TTC8: variants seen among roughly 807,000 people sequenced by gnomAD.
TTC8 encodes the protein tetratricopeptide repeat protein 8.
In TTC8, 47 loss-of-function variants were observed where a neutral mutation model predicts 72.5. The ratio of observed to expected loss-of-function variants is 0.65; its 90% CI spans 0.51 to 0.83. The LOEUF (loss-of-function observed/expected upper bound fraction) is 0.83. Among genes scored for constraint, TTC8 ranks in the 40% least tolerant of loss-of-function variants. The probability of loss-of-function intolerance (pLI) is 0.00; values close to 1 mark genes in which losing one functional copy is unlikely to be tolerated. For missense variants in TTC8, 611 were observed against 623.2 expected, an observed-to-expected ratio of 0.98 and a Z score of 0.21; for synonymous variants, 199 against 221.4, an observed-to-expected ratio of 0.90 and a Z score of 0.90.
upstream of TTC8, chr14:88,824,569 C>G: frequency 3.1e-6 from 2 of 648,894 alleles, no homozygotes. Flanking sequence ...TTTTCCTGTT[C>G]TCAGGCGCGC....
chr14:88,849,662 C>T (rs564782323), intron 7 of TTC8, among the ~76,000 whole-genome samples: 10 of 152,164 alleles, frequency 6.6e-5, no homozygotes, highest in African/African-American at 2.4e-4. Flanking sequence ...GCAGTATCAA[C>T]GAAACTCAGG....
At chr14:88,873,406 C>A (rs1017488846) in intron 13 of TTC8, among the ~76,000 whole-genome samples, 2 of 152,182 alleles carry the variant, frequency 1.3e-5, no homozygotes, top group African/African-American at 4.8e-5. Flanking sequence ...GGTGTTATCA[C>A]ATCTCTTACT....
At chr14:88,861,467 A>G (rs1957235) in intron 10 of TTC8, 135 bp downstream of exon 10, 19,871 of 632,492 alleles carry the variant, frequency 0.031, 1,214 homozygotes, top group African/African-American at 0.13. Flanking sequence ...CTATCACCTC[A>G]AACATTTATC....
chr14:88,868,441 T>C (rs560354235), intron 10 of TTC8, among the ~76,000 whole-genome samples: 1 of 152,322 alleles, frequency 6.6e-6, no homozygotes, highest in East Asian at 1.9e-4. Flanking sequence ...AATGGAAACA[T>C]GGGAAGCTAA....
chr14:88,877,336 G>A lies in TTC8; in HGVS notation c.1474G>A (p.Glu492Lys). The A allele has an allele frequency of 6.2e-7, 1 of 1,613,746 alleles. No homozygotes were observed. The highest frequency in any genetic ancestry group is 2.2e-5 in the East Asian group (1 of 44,800). The change falls in exon 15 of 15, where the codon GAA becomes AAA. Residue 492 changes from glutamate (E) to lysine (K), a missense_variant. By Grantham distance (56) the Glu-to-Lys change is moderately conservative (BLOSUM62 1). Coordinates refer to ENST00000380656, the MANE Select transcript of TTC8 (RefSeq NM_144596.4). ...AAGCTATGTTGCTGCGCAGAAGTCT[G>A]AAGCAGCATTTCCAGACCATGTGGA... ...QRSYVAAQKS[E>K]AAFPDHVDTQ...
downstream of TTC8, chr14:88,878,030 C>T (rs911211930): frequency 6.6e-6 from 1 of 152,108 alleles, no homozygotes; most frequent in Non-Finnish European, 1.5e-5. Context: ...TTAGTCATCT[C>T]AGGTGAAACA....
intron 9 of TTC8, among the ~76,000 whole-genome samples, chr14:88,860,296 C>T (rs548320720): frequency 1.6e-4 from 24 of 151,628 alleles, no homozygotes; most frequent in African/African-American, 4.4e-4. Flanking sequence ...AAAGTGGATC[C>T]GAAAATCATG....
downstream of TTC8, chr14:88,878,107 A>G (rs1447654849): frequency 2.0e-5 from 3 of 152,164 alleles, no homozygotes; most frequent in African/African-American, 4.8e-5. Context: ...ATGATATACC[A>G]CCAATTCTGT....
intron 10 of TTC8, among the ~76,000 whole-genome samples, chr14:88,869,744 C>T (rs1258980776): frequency 6.6e-6 from 1 of 152,150 alleles, no homozygotes; most frequent in Non-Finnish European, 1.5e-5. Context: ...GCACCTCCTC[C>T]AAAGTGGCCC....
rs566344345 is a variant in TTC8 at position 88,857,339 on chromosome 14, A to G, written c.798+62A>G. 69 of 1,375,914 alleles carry G rather than the reference A, an allele frequency of 5.0e-5. No homozygotes were observed. The South Asian group carries it at 6.4e-4, about 13-fold the overall frequency. The allele number at this position is 1,375,914 out of a possible 1,614,324, so 85.2% of individuals were successfully genotyped here. A position where few individuals can be genotyped will look rare whatever the true frequency, so the allele number is the denominator to read the frequency against. ...CAGAATAAATGTTTAAATTCTGGCCATTGCATGGGGAGAGTAAACAGCTTC... is the reference window on the plus strand; with the variant it reads ...CAGAATAAATGTTTAAATTCTGGCCGTTGCATGGGGAGAGTAAACAGCTTC... On this transcript the variant is annotated intron_variant, in intron 9 of 14. Transcript: ENST00000380656.
At chr14:88,862,564 A>C (rs1466360412) in intron 10 of TTC8, among the ~76,000 whole-genome samples, 3 of 51,726 alleles carry the variant, frequency 5.8e-5, no homozygotes, top group African/African-American at 8.8e-5. Context: ...ATATATATAT[A>C]TATATATATA....
intron 3 of TTC8, among the ~76,000 whole-genome samples, chr14:88,840,595 G>C (rs1267004377): frequency 6.6e-6 from 1 of 152,030 alleles, no homozygotes; most frequent in Admixed American, 6.6e-5. Flanking sequence ...CCTACTAATA[G>C]GTTGACCTGT....
At chr14:88,838,165 C>T (rs2094761999) in intron 2 of TTC8, among the ~76,000 whole-genome samples, 1 of 152,114 alleles carries the variant, frequency 6.6e-6, no homozygotes, top group South Asian at 2.1e-4. Context: ...TCATAGAATG[C>T]ATTCCAATTA....
intron 1 of TTC8, among the ~76,000 whole-genome samples, chr14:88,832,697 T>C (rs1435308704): frequency 1.3e-5 from 2 of 152,208 alleles, no homozygotes; most frequent in Non-Finnish European, 2.9e-5. Context: ...AAAGAAAGAA[T>C]AGAATGTGTT....
chr14:88,839,990 T>C (rs1327154166), intron 3 of TTC8, among the ~76,000 whole-genome samples: 2 of 152,180 alleles, frequency 1.3e-5, no homozygotes, highest in Non-Finnish European at 2.9e-5. Flanking sequence ...CTAAGAGCAC[T>C]TTAAAAAAAG....
chr14:88,839,045 A>G (rs1022421562), intron 2 of TTC8, among the ~76,000 whole-genome samples: 2 of 152,240 alleles, frequency 1.3e-5, no homozygotes, highest in African/African-American at 4.8e-5. Flanking sequence ...TAGGTTTAGA[A>G]CTGGAAAATC....
At chr14:88,856,905 G>A (rs1032175481) in intron 8 of TTC8, among the ~76,000 whole-genome samples, 2 of 152,148 alleles carry the variant, frequency 1.3e-5, no homozygotes, top group Non-Finnish European at 2.9e-5. Flanking sequence ...TTTGGGTGGT[G>A]AACTGATGTG....
intron 14 of TTC8, among the ~76,000 whole-genome samples, chr14:88,876,501 T>G (rs530826630): frequency 1.3e-5 from 2 of 152,274 alleles, no homozygotes; most frequent in East Asian, 3.9e-4. Flanking sequence ...AGCTAGAAGA[T>G]TTGAAATATT....
downstream of TTC8, chr14:88,877,990 C>A (rs1416595618): frequency 6.6e-6 from 1 of 152,152 alleles, no homozygotes; most frequent in Non-Finnish European, 1.5e-5. Flanking sequence ...AAAACACCAT[C>A]ATTTCATTAT....
Sources: gnomAD v4.1 joint callset for allele counts (sites outside exome capture counted in the v4.1 genomes callset) on GRCh38, gnomAD v4.1.1 for gene constraint, MANE v1.5 for transcripts, NCBI Gene and HGNC (gene_info 2026-07-23, HGNC 2026-07-21) for gene names.